Variants in GAPVD1 observed in about 807,000 individuals in gnomAD.
GAPVD1 encodes GTPase activating protein and VPS9 domains 1, also known as GTPase-activating protein and VPS9 domain-containing protein 1.
Under a neutral mutation model 155.5 loss-of-function variants are expected in GAPVD1, and 35 were observed. The ratio of observed to expected loss-of-function variants is 0.23; its 90% CI spans 0.17 to 0.30. GAPVD1 has a LOEUF of 0.30. Ranked by LOEUF, GAPVD1 falls within the 10% of genes least tolerant of loss-of-function variation. The pLI, the probability that GAPVD1 is intolerant of heterozygous loss-of-function variation, is 1.00. For synonymous variants in GAPVD1, 636 were observed against 619.7 expected, an observed-to-expected ratio of 1.03 and a Z score of -0.39; for missense variants, 1,429 against 1,775.7, an observed-to-expected ratio of 0.80 and a Z score of 3.51.
Position 125,329,634 on chromosome 9 carries a change from G to GT in GAPVD1, c.2033-428dup, listed in dbSNP as rs141414767. On this transcript the variant is annotated intron_variant, in intron 12 of 27. Transcript: ENST00000297933. ...CTTGTAGGTAGAGAGGAATTTGGTG[G>GT]TTTTTTTTTTTTTTTTGAGACAAAG... Among the ~76,000 whole-genome samples the GT allele has an allele frequency of 8.1e-3, 1,141 of 141,114 alleles. 5 individuals carry two copies. Among genetic ancestry groups the GT allele is most frequent in the Middle Eastern group, 0.026 (7 of 274 alleles). The allele number at this position is 141,114 out of a possible 152,430, so 92.6% of individuals were successfully genotyped here.
intron 24 of GAPVD1, 53 bp from the exon 25 acceptor site, chr9:125,355,591 T>G: frequency 1.9e-6 from 2 of 1,078,110 alleles, no homozygotes; most frequent in Non-Finnish European, 2.7e-6. Context: ...CTTTTTAAAA[T>G]TATTTAGATA....
At chr9:125,313,254 G>C (rs1181990588) in intron 9 of GAPVD1, among the ~76,000 whole-genome samples, 1 of 151,808 alleles carries the variant, frequency 6.6e-6, no homozygotes, top group East Asian at 1.9e-4. Context: ...GATTTTGGGG[G>C]AGCACAAACA....
rs10649964 is a variant in GAPVD1 at position 125,283,028 on chromosome 9, TTTTATTTA to T, written c.-149-12392_-149-12385del. Among the ~76,000 whole-genome samples, 1,177 of 143,370 alleles carry T rather than the reference TTTTATTTA, an allele frequency of 8.2e-3. 4 individuals carry two copies. The highest frequency in any genetic ancestry group is 0.022 in the East Asian group (108 of 4,850). 94.1% of individuals were successfully genotyped at this position (143,370 alleles called of 152,430 possible). On this transcript the variant is annotated intron_variant, in intron 2 of 27. Transcript: ENST00000297933. Reference sequence around the variant, plus strand: ...GCTGTTACTTAAAGTTTATTTTTATTTTTATTTATTTATTTATTTATTTATTTATTTAT... The same window carrying T: ...GCTGTTACTTAAAGTTTATTTTTATTTTTATTTATTTATTTATTTATTTAT...
chr9:125,362,462 A>G, intron 27 of GAPVD1, 144 bp from the exon 28 acceptor site: 2 of 648,228 alleles, frequency 3.1e-6, no homozygotes, highest in East Asian at 2.8e-5. Flanking sequence ...GGGTTCACAG[A>G]TTACTTCCAA....
chr9:125,282,315 T>G (rs2132182875), intron 2 of GAPVD1, among the ~76,000 whole-genome samples: 1 of 152,328 alleles, frequency 6.6e-6, no homozygotes, highest in Admixed American at 6.5e-5. Context: ...ATTTTTATTT[T>G]TAGTAAAAAC....
chr9:125,307,576 C>T (rs199831708), intron 7 of GAPVD1, 29 bp downstream of exon 7: 15 of 1,598,670 alleles, frequency 9.4e-6, no homozygotes, highest in Non-Finnish European at 1.2e-5. Context: ...AAGAGAATTT[C>T]TCGAAAGTCT....
In GAPVD1 at chr9:125,322,359, T is replaced by C. The variant is rs368243150; in HGVS notation, c.1732+797T>C. Among the ~76,000 whole-genome samples the C allele has an allele frequency of 2.5e-3, 374 of 152,180 alleles. 4 individuals are homozygous for C. The highest frequency in any genetic ancestry group is 8.0e-3 in the African/African-American group (331 of 41,548). On this transcript the variant is annotated intron_variant, in intron 10 of 27. Transcript: ENST00000297933. ...GATTACAGGCGTGAGCCACCGCGCC[T>C]GGCCCCGGGTTTTTTTTTATTTAAA...
chr9:125,315,162 G>A (rs1843231750), intron 9 of GAPVD1, among the ~76,000 whole-genome samples: 2 of 152,134 alleles, frequency 1.3e-5, no homozygotes, highest in South Asian at 2.1e-4. Flanking sequence ...GCCAGTTTTA[G>A]TGATTGATAA....
intron 11 of GAPVD1, among the ~76,000 whole-genome samples, chr9:125,325,738 TATTA>T (rs1338291723): frequency 1.3e-5 from 2 of 152,194 alleles, no homozygotes. Flanking sequence ...TTTATCAGTG[TATTA>T]ATTAGGATTA....
chr9:125,336,951 T>C, intron 15 of GAPVD1, 67 bp from the exon 16 acceptor site: 3 of 894,276 alleles, frequency 3.4e-6, no homozygotes, highest in South Asian at 2.8e-5. Context: ...CTTAAAACCC[T>C]TTAAACTGTG....
intron 2 of GAPVD1, among the ~76,000 whole-genome samples, chr9:125,269,831 C>T (rs138690496): frequency 4.3e-4 from 65 of 149,656 alleles, no homozygotes; most frequent in African/African-American, 1.4e-3. Context: ...GATTCTCCTG[C>T]CTCAGCCTCC....
intron 2 of GAPVD1, among the ~76,000 whole-genome samples, chr9:125,293,858 A>ATATATAAATATATTT (rs1473601690): frequency 2.6e-3 from 21 of 8,174 alleles, no homozygotes; most frequent in East Asian, 0.016. Flanking sequence ...TATTTTATAT[A>ATATATAAATATATTT]TATATATATA....
At chr9:125,272,674 A>G (rs1296850334) in intron 2 of GAPVD1, among the ~76,000 whole-genome samples, 1 of 152,192 alleles carries the variant, frequency 6.6e-6, no homozygotes, top group Non-Finnish European at 1.5e-5. Context: ...AACCTATTTT[A>G]ACAAACTGGA....
In GAPVD1 at chr9:125,337,067, C is replaced by G. The variant is rs1434480970; in HGVS notation, c.2478C>G (p.Ala826=). The G allele has an allele frequency of 6.2e-7, 1 of 1,613,210 alleles. No homozygotes were observed. The highest frequency in any genetic ancestry group is 1.3e-5 in the African/African-American group (1 of 75,028). ...SPPSQSESLL[A]MFDPLSSHEG... ...CTTCTCAGTCAGAGTCTCTGCTGGC[C>G]ATGTTTGATCCACTGTCTTCACATG... Residue 826 remains alanine, a synonymous_variant, in exon 16 of 28, where the codon GCC becomes GCG. Transcript: ENST00000297933.
intron 2 of GAPVD1, among the ~76,000 whole-genome samples, chr9:125,294,372 G>A (rs1839489123): frequency 6.9e-6 from 1 of 145,770 alleles, no homozygotes; most frequent in South Asian, 2.2e-4. Flanking sequence ...TTTTGAGACG[G>A]AATCTCGCTC....
In GAPVD1 at chr9:125,330,062, C is replaced by A. The variant is rs1375200700; in HGVS notation, c.2033-16C>A. On this transcript the variant is annotated splice_polypyrimidine_tract_variant and intron_variant, in intron 12 of 27. Coordinates refer to ENST00000297933, the MANE Select transcript of GAPVD1 (RefSeq NM_001282680.3). ...CAGGATCTTTGTTAACCCTTTGCTT[C>A]CCACTGGTTATACAGGTGCTGCAGC... 6.3e-7 allele frequency: 1 copy of A among 1,579,194 alleles called. No individual in the cohort carries two copies. Among genetic ancestry groups the A allele is most frequent in the South Asian group, 1.2e-5 (1 of 85,908 alleles).
At chr9:125,329,879 G>A (rs1043409625) in intron 12 of GAPVD1, among the ~76,000 whole-genome samples, 199 bp from the exon 13 acceptor site, 6 of 152,060 alleles carry the variant, frequency 3.9e-5, no homozygotes, top group East Asian at 1.9e-4. Flanking sequence ...ACGGGGTTTC[G>A]CCATGTTGGC....
chr9:125,365,390 G>A lies in GAPVD1; in HGVS notation c.*2644G>A, dbSNP rs1344269241. 1.3e-5 allele frequency: 2 copies of A among 150,172 alleles called. No individual in the cohort carries two copies. Among genetic ancestry groups the A allele is most frequent in the African/African-American group, 4.9e-5 (2 of 40,706 alleles). The allele number at this position is 150,172 out of a possible 1,614,324, so 9.3% of individuals were successfully genotyped here. On this transcript the variant is annotated 3_prime_UTR_variant, in exon 28 of 28. Transcript: ENST00000297933. ...ATGTTTCTTCCTCCACTGCCTTCCAGTACTTTCTTTACATGAAAGATTAGT... is the reference window on the plus strand; with the variant it reads ...ATGTTTCTTCCTCCACTGCCTTCCAATACTTTCTTTACATGAAAGATTAGT...
intron 26 of GAPVD1, 21 bp from the exon 27 acceptor site, chr9:125,360,507 A>G (rs1850754011): frequency 3.1e-6 from 5 of 1,601,752 alleles, no homozygotes; most frequent in East Asian, 2.2e-5. Flanking sequence ...GAATCTGTAT[A>G]TTGTCTATGG....
Sources: allele counts gnomAD v4.1 joint callset (sites outside exome capture counted in the v4.1 genomes callset), GRCh38; gene constraint gnomAD v4.1.1; transcripts MANE v1.5; gene names NCBI Gene and HGNC (gene_info 2026-07-23, HGNC 2026-07-21).